GUCY1A2: variants seen among roughly 807,000 people sequenced by gnomAD.
GUCY1A2 encodes the protein guanylate cyclase 1 soluble subunit alpha 2.
In GUCY1A2, 27 loss-of-function variants were observed where a neutral mutation model predicts 63.5. The observed-to-expected ratio is 0.43, with a 90% CI of 0.31 to 0.59. The LOEUF is 0.59. GUCY1A2 is among the 20% of genes least tolerant of loss of function. The pLI is 0.11. For missense variants in GUCY1A2, 768 were observed against 913.3 expected, an observed-to-expected ratio of 0.84 and a Z score of 2.05; for synonymous variants, 364 against 343.5, an observed-to-expected ratio of 1.06 and a Z score of -0.66.
chr11:106,720,827 AT>A lies in GUCY1A2; in HGVS notation c.1837-12162del, dbSNP rs905501607. ...AAACATAAAAGAACATTAGGGGAAA[AT>A]TAAGAAAATATGAATAAATTGTAGA... is the stretch of plus-strand genomic sequence containing the variant. On this transcript the variant is annotated intron_variant, in intron 6 of 7. Transcript: ENST00000526355. Among the ~76,000 whole-genome samples, 17 of 152,258 alleles carry A rather than the reference AT, an allele frequency of 1.1e-4. 1 individual carries two copies. The highest frequency in any genetic ancestry group is 1.1e-3 in the Admixed American group (17 of 15,290).
intron 4 of GUCY1A2, among the ~76,000 whole-genome samples, chr11:106,899,979 G>A (rs557651313): frequency 3.3e-5 from 5 of 151,828 alleles, no homozygotes; most frequent in East Asian, 2.0e-4. Context: ...CCAGCTAATC[G>A]GGAGGCTGAG....
rs922064859 is a variant in GUCY1A2 at position 106,977,354 on chromosome 11, T to G, written c.487+1265A>C. 3.3e-5 allele frequency among the ~76,000 whole-genome samples: 5 copies of G among 152,204 alleles called. No individual in the cohort carries two copies. The South Asian group carries it at 8.3e-4, about 25-fold the overall frequency. ...TATTTTCTCCAGTCATAAGATTTAC[T>G]TGGGTATTGTGACATCCCTGCAGTT... is the stretch of plus-strand genomic sequence containing the variant. On this transcript the variant is annotated intron_variant, in intron 3 of 7. Coordinates refer to ENST00000526355, the MANE Select transcript of GUCY1A2 (RefSeq NM_000855.3).
At chr11:106,773,487 G>A (rs182349196) in intron 6 of GUCY1A2, among the ~76,000 whole-genome samples, 2 of 152,222 alleles carry the variant, frequency 1.3e-5, no homozygotes, top group Admixed American at 6.5e-5. Flanking sequence ...ATTCTTGTGT[G>A]TGACTTTTGC....
intron 4 of GUCY1A2, among the ~76,000 whole-genome samples, chr11:106,846,341 G>C (rs1859273711): frequency 6.6e-6 from 1 of 151,606 alleles, no homozygotes; most frequent in African/African-American, 2.4e-5. Context: ...AGAGTAATCA[G>C]TGAATCTAGA....
At chr11:106,926,141 T>A (rs1860517961) in intron 4 of GUCY1A2, among the ~76,000 whole-genome samples, 1 of 152,126 alleles carries the variant, frequency 6.6e-6, no homozygotes, top group African/African-American at 2.4e-5. Context: ...CAGACTAGGC[T>A]GGGCGCAGTG....
At chr11:106,854,064 G>A (rs1859393347) in intron 4 of GUCY1A2, among the ~76,000 whole-genome samples, 2 of 152,348 alleles carry the variant, frequency 1.3e-5, no homozygotes, top group African/African-American at 4.8e-5. Flanking sequence ...TTGGGCCCTT[G>A]GGTAGTATAC....
chr11:106,703,020 C>A (rs769947482), intron 7 of GUCY1A2, among the ~76,000 whole-genome samples: 1 of 152,068 alleles, frequency 6.6e-6, no homozygotes, highest in Admixed American at 6.6e-5. Context: ...GCTGGGTGGA[C>A]ACAATCTAAT....
In GUCY1A2 at chr11:106,939,910, C is replaced by T; in HGVS notation, c.756G>A (p.Gly252=). The T allele has an allele frequency of 1.9e-6, 3 of 1,614,110 alleles. No individual in the cohort carries two copies. Among genetic ancestry groups the T allele is most frequent in the Non-Finnish European group, 2.5e-6 (3 of 1,179,974 alleles). The part of the protein sequence containing the change: ...PHHIVGFAML[G]MIKAAGKKIY... ...TCTTCTTTCCTGCAGCCTTAATCAT[C>T]CCCAGCATTGCAAACCCCACAATAT... Residue 252 remains glycine, a synonymous_variant, in exon 4 of 8, where the codon GGG becomes GGA. Coordinates refer to ENST00000526355, the MANE Select transcript of GUCY1A2 (RefSeq NM_000855.3).
At chr11:106,726,955 G>A (rs987985498) in intron 6 of GUCY1A2, among the ~76,000 whole-genome samples, 3 of 152,182 alleles carry the variant, frequency 2.0e-5, no homozygotes, top group African/African-American at 4.8e-5. Context: ...AAAAGAGCTG[G>A]ATGAATAATT....
At chr11:106,704,732 T>C (rs369822963) in intron 7 of GUCY1A2, among the ~76,000 whole-genome samples, 1 of 152,146 alleles carries the variant, frequency 6.6e-6, no homozygotes, top group Non-Finnish European at 1.5e-5. Context: ...TATGCTGAGA[T>C]AAATCATTTA....
chr11:107,013,682 G>C (rs766666952), intron 1 of GUCY1A2, among the ~76,000 whole-genome samples: 14 of 151,960 alleles, frequency 9.2e-5, no homozygotes, highest in Non-Finnish European at 1.9e-4. Context: ...CAAGTAGCTG[G>C]GATTACAGGC....
chr11:106,686,059 T>A lies in GUCY1A2; in HGVS notation c.*1490A>T, dbSNP rs187522220. The A allele has an allele frequency of 4.7e-6, 1 of 214,988 alleles. No homozygotes were observed. The highest frequency in any genetic ancestry group is 2.2e-5 in the African/African-American group (1 of 44,456). The allele number at this position is 214,988 out of a possible 1,614,324, so 13.3% of individuals were successfully genotyped here. Reference sequence around the variant, plus strand: ...AAAAGAATATTGCATTCAGTAGACATAAGCTATCAATGAGTAAGAAAATGA... The same window carrying A: ...AAAAGAATATTGCATTCAGTAGACAAAAGCTATCAATGAGTAAGAAAATGA... On this transcript the variant is annotated 3_prime_UTR_variant, in exon 8 of 8. Transcript: ENST00000526355.
chr11:106,919,588 T>C (rs922274746), intron 4 of GUCY1A2, among the ~76,000 whole-genome samples: 4 of 152,030 alleles, frequency 2.6e-5, no homozygotes, highest in African/African-American at 4.8e-5. Context: ...AATAAAGGCA[T>C]GTGGACTCCC....
At chr11:106,806,947 T>C (rs777254081) in intron 5 of GUCY1A2, among the ~76,000 whole-genome samples, 12 of 152,146 alleles carry the variant, frequency 7.9e-5, no homozygotes, top group Non-Finnish European at 1.5e-4. Context: ...CATGGAGTAA[T>C]GACATGAAGA....
At chr11:106,988,168 T>C (rs1462084804) in intron 1 of GUCY1A2, among the ~76,000 whole-genome samples, 2 of 152,170 alleles carry the variant, frequency 1.3e-5, no homozygotes, top group Admixed American at 1.3e-4. Flanking sequence ...AGAGAATGAA[T>C]CAGACATAGT....
intron 5 of GUCY1A2, among the ~76,000 whole-genome samples, chr11:106,782,830 A>C (rs1209218774): frequency 6.6e-6 from 1 of 152,176 alleles, no homozygotes; most frequent in South Asian, 2.1e-4. Flanking sequence ...GAGCAGGAAA[A>C]ACTATGGTCT....
intron 6 of GUCY1A2, among the ~76,000 whole-genome samples, chr11:106,709,517 TAAA>T (rs1318205166): frequency 1.9e-5 from 1 of 52,836 alleles, no homozygotes; most frequent in Non-Finnish European, 3.0e-5. Flanking sequence ...TATTATTCTA[TAAA>T]TATAATAATA....
At chr11:106,899,817 G>A (rs1031571157) in intron 4 of GUCY1A2, among the ~76,000 whole-genome samples, 1 of 152,112 alleles carries the variant, frequency 6.6e-6, no homozygotes, top group East Asian at 1.9e-4. Flanking sequence ...GGGCACGGTG[G>A]CTCACGCCTG....
Position 106,739,221 on chromosome 11 carries a change from G to C in GUCY1A2, c.1837-30555C>G, listed in dbSNP as rs757818411. 5.9e-5 allele frequency among the ~76,000 whole-genome samples: 9 copies of C among 152,252 alleles called. 1 individual carries two copies. Among genetic ancestry groups the C allele is most frequent in the Admixed American group, 2.0e-4 (3 of 15,288 alleles). On this transcript the variant is annotated intron_variant, in intron 6 of 7. Transcript: ENST00000526355. ...CTATTATTGGTGTATAGGAATGCTT[G>C]TGATTTTTGCACATTGATTTTGTAT...
Sources: gnomAD v4.1 joint callset for allele counts (sites outside exome capture counted in the v4.1 genomes callset) on GRCh38, gnomAD v4.1.1 for gene constraint, MANE v1.5 for transcripts, NCBI Gene and HGNC (gene_info 2026-07-23, HGNC 2026-07-21) for gene names.